NRXN3: variants seen among roughly 807,000 people sequenced by gnomAD.
NRXN3 encodes neurexin 3.
A neutral mutation model predicts 137.6 loss-of-function variants in NRXN3; 32 were observed. That is an observed-to-expected ratio of 0.23 (90% confidence interval 0.18 to 0.31). The LOEUF is 0.31. NRXN3 is among the 10% of genes least tolerant of loss of function. NRXN3 has a pLI of 1.00. For synonymous variants in NRXN3, 798 were observed against 784.5 expected (o/e 1.02, Z -0.29); for missense variants, 1,574 against 2,062.5 (o/e 0.76, Z 4.59).
rs538584871 is a variant in NRXN3, at chr14:79,865,556, G to T, written c.*3592G>T. On this transcript the variant is annotated 3_prime_UTR_variant, in exon 21 of 21. Coordinates refer to ENST00000335750, the MANE Select transcript of NRXN3 (RefSeq NM_001330195.2). ...ATACTATCGACTATGTTAGGAATGG[G>T]GGGGAGAAAGTCAGGTTCAGTGATG... 7 of 152,276 alleles carry T rather than the reference G, an allele frequency of 4.6e-5. No individual in the cohort carries two copies. The highest frequency in any genetic ancestry group is 1.7e-4 in the African/African-American group (7 of 41,560). The allele number at this position is 152,276 out of a possible 1,614,324, so 9.4% of individuals were successfully genotyped here.
chr14:78,881,598 T>C (rs1021072924), intron 10 of NRXN3, among the ~76,000 whole-genome samples: 2 of 151,578 alleles, frequency 1.3e-5, no homozygotes, highest in African/African-American at 4.9e-5. Context: ...ATTTAGGGTA[T>C]CTAGTAGAAG....
chr14:78,999,989 A>G (rs2099538158), intron 15 of NRXN3, among the ~76,000 whole-genome samples: 3 of 152,234 alleles, frequency 2.0e-5, no homozygotes, highest in Non-Finnish European at 2.9e-5. Flanking sequence ...AGTTGGATGC[A>G]TTATATACTG....
chr14:79,315,693 TC>T (rs1274016748), intron 15 of NRXN3, among the ~76,000 whole-genome samples: 2 of 152,228 alleles, frequency 1.3e-5, no homozygotes, highest in Non-Finnish European at 2.9e-5. Context: ...TTAATTATTT[TC>T]CTCATCTTCT....
chr14:79,191,781 C>T lies in NRXN3; in HGVS notation c.3262+203640C>T, dbSNP rs79741969. ...GGTGATTAAAATATGGATTTAACTG[C>T]TGATTTGTTCATATTTAAGATCCTT... On this transcript the variant is annotated intron_variant, in intron 15 of 20. Transcript: ENST00000335750. Among the ~76,000 whole-genome samples, 12 of 78,942 alleles carry T rather than the reference C, an allele frequency of 1.5e-4. No homozygotes were observed. In the East Asian group the frequency reaches 1.7e-3, roughly 11 times the overall value. 51.8% of individuals were successfully genotyped at this position (78,942 alleles called of 152,430 possible).
intron 15 of NRXN3, among the ~76,000 whole-genome samples, chr14:79,405,036 T>C (rs1322108244): frequency 6.6e-6 from 1 of 152,158 alleles, no homozygotes; most frequent in Non-Finnish European, 1.5e-5. Context: ...CCCAGGAGAC[T>C]GTATCATATT....
intron 15 of NRXN3, among the ~76,000 whole-genome samples, chr14:79,008,936 C>T (rs982372674): frequency 1.1e-4 from 17 of 152,052 alleles, no homozygotes; most frequent in African/African-American, 1.9e-4. Flanking sequence ...GGATTAAAGA[C>T]GTGAGCCACC....
chr14:78,683,827 A>T (rs1252617729), intron 6 of NRXN3, among the ~76,000 whole-genome samples: 1 of 152,174 alleles, frequency 6.6e-6, no homozygotes, highest in Non-Finnish European at 1.5e-5. Context: ...TTTTGTCGTG[A>T]CTTACTTCAT....
At chr14:79,608,386 G>A (rs2098050925) in intron 16 of NRXN3, among the ~76,000 whole-genome samples, 1 of 152,164 alleles carries the variant, frequency 6.6e-6, no homozygotes, top group Non-Finnish European at 1.5e-5. Flanking sequence ...ATAGTGGAGG[G>A]AGAAAGGGTT....
intron 10 of NRXN3, among the ~76,000 whole-genome samples, chr14:78,899,272 AAATTCAAGACATGAAATAG>A (rs1341285624): frequency 6.6e-6 from 1 of 151,970 alleles, no homozygotes; most frequent in African/African-American, 2.4e-5. Context: ...CCTCCCCCAA[AAATTCAAGACATGAAATAG>A]AATCTATCAC....
chr14:79,108,032 A>T (rs113301600), intron 15 of NRXN3, among the ~76,000 whole-genome samples: 4,323 of 152,272 alleles, frequency 0.028, 206 homozygotes, highest in African/African-American at 0.099. Context: ...AGGCCATCTT[A>T]GGAACTATAT....
At chr14:78,376,667 C>T (rs535929944) in intron 4 of NRXN3, among the ~76,000 whole-genome samples, 16 of 152,274 alleles carry the variant, frequency 1.1e-4, no homozygotes, top group South Asian at 2.1e-4. Context: ...AAACATCAAT[C>T]TACACAGGCA....
intron 15 of NRXN3, among the ~76,000 whole-genome samples, chr14:79,160,693 C>T (rs935855944): frequency 1.3e-5 from 2 of 151,792 alleles, no homozygotes; most frequent in Admixed American, 6.6e-5. Flanking sequence ...TTGCCATCTG[C>T]AATTTACTGC....
intron 19 of NRXN3, among the ~76,000 whole-genome samples, chr14:79,761,450 C>CAGT (rs1264503052): frequency 2.0e-5 from 3 of 151,512 alleles, no homozygotes; most frequent in Admixed American, 2.0e-4. Flanking sequence ...GTCTGACCAA[C>CAGT]AGTAGGTGGA....
At chr14:79,436,897 T>C (rs775481440) in intron 15 of NRXN3, among the ~76,000 whole-genome samples, 25 of 152,196 alleles carry the variant, frequency 1.6e-4, no homozygotes, top group Non-Finnish European at 2.8e-4. Context: ...CCAGGCTTTA[T>C]TGCAACACCT....
intron 15 of NRXN3, among the ~76,000 whole-genome samples, chr14:79,318,292 C>T (rs933375230): frequency 6.6e-6 from 1 of 152,170 alleles, no homozygotes; most frequent in African/African-American, 2.4e-5. Flanking sequence ...CAGAAGCCCT[C>T]GATGCATGCA....
intron 10 of NRXN3, among the ~76,000 whole-genome samples, chr14:78,951,076 A>G (rs2099386176): frequency 6.6e-6 from 1 of 152,142 alleles, no homozygotes; most frequent in Non-Finnish European, 1.5e-5. Context: ...CCTCTAAAAT[A>G]CATCCCAAAT....
At chr14:79,177,599 T>A (rs2062475152) in intron 15 of NRXN3, among the ~76,000 whole-genome samples, 1 of 152,110 alleles carries the variant, frequency 6.6e-6, no homozygotes, top group Admixed American at 6.5e-5. Context: ...TTCTGAGGGA[T>A]TATTGAAACC....
At chr14:79,111,025 C>T (rs779404261) in intron 15 of NRXN3, among the ~76,000 whole-genome samples, 104 of 152,064 alleles carry the variant, frequency 6.8e-4, no homozygotes, top group Non-Finnish European at 1.3e-3. Context: ...CTCCTGACCT[C>T]GTGGTCTGCC....
intron 4 of NRXN3, among the ~76,000 whole-genome samples, chr14:78,311,793 A>G (rs779143804): frequency 6.6e-6 from 1 of 152,084 alleles, no homozygotes; most frequent in African/African-American, 2.4e-5. Context: ...TGATGGAACT[A>G]TAGGAGCCAT....
Sources: gnomAD v4.1 joint callset for allele counts (sites outside exome capture counted in the v4.1 genomes callset) on GRCh38, gnomAD v4.1.1 for gene constraint, MANE v1.5 for transcripts, NCBI Gene and HGNC (gene_info 2026-07-23, HGNC 2026-07-21) for gene names.